The following CRACD variants were observed in gnomAD, a reference collection of about 807,000 sequenced individuals.
The protein encoded by CRACD is capping protein inhibiting regulator of actin dynamics, also known as capping protein-inhibiting regulator of actin dynamics.
CRACD carries 56 observed loss-of-function variants against 106.8 expected under a neutral mutation model. The observed-to-expected ratio is 0.52, with a 90% CI of 0.42 to 0.66. CRACD has a LOEUF of 0.66. Among genes scored for constraint, CRACD ranks in the 30% least tolerant of loss-of-function variants. The probability of loss-of-function intolerance (pLI) is 0.00; values close to 1 mark genes in which losing one functional copy is unlikely to be tolerated. For synonymous variants in CRACD, 754 were observed against 670.8 expected (o/e 1.12, Z -1.92); for missense variants, 1,730 against 1,623.2 (o/e 1.07, Z -1.13).
At chr4:56,194,435 G>A (rs1018766969) in intron 2 of CRACD, among the ~76,000 whole-genome samples, 1 of 152,198 alleles carries the variant, frequency 6.6e-6, no homozygotes, top group African/African-American at 2.4e-5. Context: ...TAACGTTATT[G>A]CTTATGTTTC....
chr4:56,122,322 A>T (rs1734514528), intron 1 of CRACD, among the ~76,000 whole-genome samples: 1 of 152,026 alleles, frequency 6.6e-6, no homozygotes, highest in Non-Finnish European at 1.5e-5. Context: ...AAAAAAAAAA[A>T]AAGAATTTTT....
At chr4:56,053,966 T>C (rs1422641163) in intron 1 of CRACD, among the ~76,000 whole-genome samples, 1 of 152,194 alleles carries the variant, frequency 6.6e-6, no homozygotes, top group Admixed American at 6.5e-5. Flanking sequence ...AAATATACTT[T>C]GCAGCTAATG....
At chr4:56,205,321 T>C (rs1028360402) in intron 2 of CRACD, among the ~76,000 whole-genome samples, 3 of 152,014 alleles carry the variant, frequency 2.0e-5, no homozygotes, top group Non-Finnish European at 2.9e-5. Flanking sequence ...GAAATTATAT[T>C]AGGGTAGCAG....
Position 56,330,124 on chromosome 4 carries a change from C to T in CRACD, c.*2320C>T, listed in dbSNP as rs1405254383. Among the ~76,000 whole-genome samples the T allele has an allele frequency of 1.3e-5, 2 of 151,472 alleles. No individual in the cohort carries two copies. The highest frequency in any genetic ancestry group is 2.9e-5 in the Non-Finnish European group (2 of 67,938). On this transcript the variant is annotated 3_prime_UTR_variant, in exon 11 of 11. Coordinates refer to ENST00000682029, the MANE Select transcript of CRACD (RefSeq NM_001393381.1). ...TCTGAGCAACAAACTATGGGGAATT[C>T]TGTAAAAACATATAAAAAGTTCAAG...
At chr4:56,271,484 G>T (rs1742343269) in intron 2 of CRACD, among the ~76,000 whole-genome samples, 1 of 152,152 alleles carries the variant, frequency 6.6e-6, no homozygotes, top group Non-Finnish European at 1.5e-5. Flanking sequence ...CTTATGTCAG[G>T]AGTTGGCAGT....
Position 56,261,627 on chromosome 4 carries a change from G to A in CRACD, c.-188-10694G>A, listed in dbSNP as rs543874122. 2.0e-5 allele frequency among the ~76,000 whole-genome samples: 3 copies of A among 152,176 alleles called. No homozygotes were observed. In the South Asian group the frequency reaches 6.2e-4, roughly 32 times the overall value. On this transcript the variant is annotated intron_variant, in intron 2 of 10. Transcript: ENST00000682029. ...AGCCTCCCAAAGTGCTAGAATTACA[G>A]GCATGAGCCACCACACCTGGCCCTC... is the stretch of plus-strand genomic sequence containing the variant.
chr4:56,307,512 G>A (rs1553919296), intron 4 of CRACD, 23 bp from the exon 5 acceptor site: 5 of 1,613,146 alleles, frequency 3.1e-6, no homozygotes, highest in Admixed American at 1.7e-5. Flanking sequence ...GCTTCAGAAT[G>A]TCTTTCTTCT....
intron 4 of CRACD, among the ~76,000 whole-genome samples, chr4:56,298,570 CCCTCT>C (rs1744186505): frequency 1.3e-5 from 2 of 152,140 alleles, no homozygotes; most frequent in Non-Finnish European, 1.5e-5. Flanking sequence ...GCATGACACA[CCCTCT>C]CCTTTTCTTT....
chr4:56,146,032 T>C (rs560156371), intron 1 of CRACD, among the ~76,000 whole-genome samples: 1 of 152,340 alleles, frequency 6.6e-6, no homozygotes, highest in Non-Finnish European at 1.5e-5. Flanking sequence ...TAAGGAATGT[T>C]TTAAAGCTAT....
intron 1 of CRACD, among the ~76,000 whole-genome samples, chr4:56,089,730 C>A (rs1229947260): frequency 6.6e-6 from 1 of 151,896 alleles, no homozygotes; most frequent in African/African-American, 2.4e-5. Flanking sequence ...TCAGGCTGGT[C>A]TTGAACTCCC....
At chr4:56,142,097 A>T (rs1376363324) in intron 1 of CRACD, among the ~76,000 whole-genome samples, 1 of 152,202 alleles carries the variant, frequency 6.6e-6, no homozygotes, top group Non-Finnish European at 1.5e-5. Flanking sequence ...AAAACCACAC[A>T]GTTTCTTATA....
chr4:56,247,425 A>G (rs1740746057), intron 2 of CRACD, among the ~76,000 whole-genome samples: 1 of 152,220 alleles, frequency 6.6e-6, no homozygotes, highest in Admixed American at 6.5e-5. Context: ...GGCAGCTGAT[A>G]GTAACTCAGG....
intron 2 of CRACD, among the ~76,000 whole-genome samples, chr4:56,192,500 TA>T (rs1168443823): frequency 6.6e-6 from 1 of 152,156 alleles, no homozygotes; most frequent in Admixed American, 6.5e-5. Context: ...CTGTAGTTAC[TA>T]AATAGGGCGT....
chr4:56,329,778 A>C lies in CRACD; in HGVS notation c.*1974A>C, dbSNP rs972583100. 5.3e-5 allele frequency among the ~76,000 whole-genome samples: 8 copies of C among 152,136 alleles called. No individual in the cohort carries two copies. Among genetic ancestry groups the C allele is most frequent in the Admixed American group, 2.0e-4 (3 of 15,268 alleles). On this transcript the variant is annotated 3_prime_UTR_variant, in exon 11 of 11. Transcript: ENST00000682029. ...ATGCTACAGTAATTCTTCTGAATTGACTTTTTCTTTCATCCTGTCAGCTTT... is the reference window on the plus strand; with the variant it reads ...ATGCTACAGTAATTCTTCTGAATTGCCTTTTTCTTTCATCCTGTCAGCTTT...
intron 2 of CRACD, among the ~76,000 whole-genome samples, chr4:56,239,808 A>G (rs1204787464): frequency 1.3e-5 from 2 of 152,122 alleles, no homozygotes; most frequent in African/African-American, 4.8e-5. Context: ...CCAGACTCTT[A>G]TGTGTTAACA....
At chr4:56,258,838 T>C (rs6819345) in intron 2 of CRACD, among the ~76,000 whole-genome samples, 16,246 of 152,056 alleles carry the variant, frequency 0.11, 2,083 homozygotes, top group East Asian at 0.62. Flanking sequence ...TGGGAAGAGG[T>C]ATGTGGATAG....
In CRACD at chr4:56,149,397, C is replaced by G. The variant is rs6554334; in HGVS notation, c.-335-29887C>G. On this transcript the variant is annotated intron_variant, in intron 1 of 10. Transcript: ENST00000682029. ...TTCATGAAGAAAGATAAAATTCTCACACTCCTCAGATTCTAGTTTGAGATT... is the reference window on the plus strand; with the variant it reads ...TTCATGAAGAAAGATAAAATTCTCAGACTCCTCAGATTCTAGTTTGAGATT... Among the ~76,000 whole-genome samples the G allele has an allele frequency of 6.9e-3, 1,047 of 152,310 alleles. 13 individuals carry two copies. Among genetic ancestry groups the G allele is most frequent in the African/African-American group, 0.024 (1,004 of 41,578 alleles).
chr4:56,252,839 T>C (rs777835225), intron 2 of CRACD, among the ~76,000 whole-genome samples: 6 of 152,226 alleles, frequency 3.9e-5, no homozygotes, highest in Non-Finnish European at 7.3e-5. Flanking sequence ...TCCAAGGCTG[T>C]CTGAGGCATG....
chr4:56,327,073 C>T (rs994734445), intron 10 of CRACD, among the ~76,000 whole-genome samples: 3 of 152,118 alleles, frequency 2.0e-5, no homozygotes, highest in Non-Finnish European at 2.9e-5. Flanking sequence ...CAGATCCAGT[C>T]GGCTGGGTTG....
Sources: allele counts gnomAD v4.1 joint callset (sites outside exome capture counted in the v4.1 genomes callset), GRCh38; gene constraint gnomAD v4.1.1; transcripts MANE v1.5; gene names NCBI Gene and HGNC (gene_info 2026-07-23, HGNC 2026-07-21).